CTDP1: variants seen among roughly 807,000 people sequenced by gnomAD.
CTDP1 encodes CTD phosphatase 1.
In CTDP1, 47 loss-of-function variants were observed where a neutral mutation model predicts 91.8. The ratio of observed to expected loss-of-function variants is 0.51; its 90% confidence interval spans 0.41 to 0.65. The LOEUF (loss-of-function observed/expected upper bound fraction) is 0.65. Among genes scored for constraint, CTDP1 ranks in the 30% least tolerant of loss-of-function variants. The pLI is 0.00. For missense variants in CTDP1, 1,272 were observed against 1,373.7 expected, an observed-to-expected ratio of 0.93 and a Z score of 1.17; for synonymous variants, 656 against 598.5, an observed-to-expected ratio of 1.10 and a Z score of -1.40.
chr18:79,732,557 C>T (rs1456984753), intron 11 of CTDP1, among the ~76,000 whole-genome samples: 1 of 134,826 alleles, frequency 7.4e-6, no homozygotes, highest in Non-Finnish European at 1.6e-5. Context: ...CCCAAAATCA[C>T]GTGAGACATG....
chr18:79,728,375 C>T (rs2086494699), intron 10 of CTDP1, among the ~76,000 whole-genome samples: 1 of 152,226 alleles, frequency 6.6e-6, no homozygotes, highest in Non-Finnish European at 1.5e-5. Context: ...GCTGGCTTTA[C>T]AAGCATGAGC....
At chr18:79,684,342 C>T (rs1026808391) in intron 1 of CTDP1, among the ~76,000 whole-genome samples, 3 of 152,192 alleles carry the variant, frequency 2.0e-5, no homozygotes, top group African/African-American at 4.8e-5. Flanking sequence ...AAGAATCCCA[C>T]GTGGGTATGT....
intron 6 of CTDP1, among the ~76,000 whole-genome samples, chr18:79,712,129 T>C (rs879389706): frequency 6.6e-6 from 1 of 151,980 alleles, no homozygotes; most frequent in Non-Finnish European, 1.5e-5. Context: ...GAATGAGAGG[T>C]GCTGTTAGTG....
rs887852526 is a variant in CTDP1, at chr18:79,729,056, G to A, written c.2567G>A (p.Ser856Asn). Residue 856 changes from serine (S) to asparagine (N), a missense_variant, in exon 11 of 13, where the codon AGT becomes AAT. Ser to Asn is a conservative substitution (Grantham distance 46, BLOSUM62 1). This residue lies in a region of CTDP1 where 881 missense variants were observed against 911.6 expected (regional missense o/e 0.97). Transcript: ENST00000613122. ...LYTLCKEDLE[S>N]MDKEVDDILG... The stretch of plus-strand genomic sequence containing the variant: ...ACTCTTTGTAAGGAGGATTTAGAGA[G>A]TATGGACAAAGAGGTGAGCCAACCC... The A allele has an allele frequency of 8.7e-6, 14 of 1,613,334 alleles. No homozygotes were observed. Among genetic ancestry groups the A allele is most frequent in the Non-Finnish European group, 1.2e-5 (14 of 1,180,046 alleles).
At chr18:79,742,666 A>G (rs1287343151) in intron 12 of CTDP1, among the ~76,000 whole-genome samples, 1 of 152,232 alleles carries the variant, frequency 6.6e-6, no homozygotes, top group African/African-American at 2.4e-5. Context: ...ATAAGACTCT[A>G]TGCCTGGACA....
chr18:79,712,316 C>T (rs1189035785), intron 6 of CTDP1, among the ~76,000 whole-genome samples: 1 of 152,120 alleles, frequency 6.6e-6, no homozygotes, highest in Non-Finnish European at 1.5e-5. Flanking sequence ...CGGTCTGGCT[C>T]GGTCGCCCAG....
intron 4 of CTDP1, among the ~76,000 whole-genome samples, chr18:79,704,539 C>T (rs1274734863): frequency 2.0e-5 from 3 of 152,164 alleles, no homozygotes; most frequent in Non-Finnish European, 2.9e-5. Flanking sequence ...TACATGCAAA[C>T]GTGTATCCTC....
intron 11 of CTDP1, among the ~76,000 whole-genome samples, chr18:79,731,678 G>A (rs755001794): frequency 7.9e-5 from 12 of 152,202 alleles, no homozygotes; most frequent in South Asian, 6.2e-4. Context: ...GTCAGTAAGC[G>A]TTCACCTGCA....
At chr18:79,696,131 C>T in intron 3 of CTDP1, 61 bp downstream of exon 3, 2 of 1,464,684 alleles carry the variant, frequency 1.4e-6, no homozygotes, top group Non-Finnish European at 9.4e-7. Flanking sequence ...AGGGCGGCTG[C>T]AGGAGGAGGG....
downstream of CTDP1, chr18:79,755,706 G>T (rs941355630): frequency 6.6e-6 from 1 of 152,298 alleles, no homozygotes; most frequent in African/African-American, 2.4e-5. Context: ...GCTCTTGGCC[G>T]AGTCCCCTCT....
intron 1 of CTDP1, among the ~76,000 whole-genome samples, chr18:79,681,130 C>T (rs1481792007): frequency 6.6e-6 from 1 of 152,254 alleles, no homozygotes; most frequent in Non-Finnish European, 1.5e-5. Flanking sequence ...GTCCCTTTGG[C>T]TTGCCCTGAC....
At position 79,680,083 on chromosome 18, in the gene CTDP1, G is replaced by T; in HGVS notation, c.136G>T (p.Gly46Cys). ...GGCGGCGGGCGCGGCCGTGCGCATC[G>T]GCTCGGTGCTGGCCGTGTTCGAGGC... The part of the protein sequence containing the change: ...RVAAGAAVRI[G>C]SVLAVFEAAA... The change falls in exon 1 of 13, where the codon GGC (glycine) becomes TGC (cysteine). Residue 46 changes from glycine to cysteine, a missense_variant. Gly to Cys is a radical substitution (Grantham distance 159, BLOSUM62 -3). Around this residue, in one of 3 missense-constraint regions of CTDP1, gnomAD observed 214 missense variants for 179.1 expected, o/e 1.19. Coordinates refer to ENST00000613122, the MANE Select transcript of CTDP1 (RefSeq NM_004715.5). 7.7e-7 allele frequency: 1 copy of T among 1,291,246 alleles called. No individual in the cohort carries two copies. Among genetic ancestry groups the T allele is most frequent in the Non-Finnish European group, 9.8e-7 (1 of 1,021,074 alleles). The allele number at this position is 1,291,246 out of a possible 1,614,324, so 80.0% of individuals were successfully genotyped here.
chr18:79,704,737 T>C (rs890909473), intron 4 of CTDP1, 30 bp from the exon 5 acceptor site: 2 of 1,612,360 alleles, frequency 1.2e-6, no homozygotes, highest in Non-Finnish European at 1.7e-6. Flanking sequence ...TCAGGCCTTT[T>C]CTCCCGACTG....
rs2086166768 is a variant in CTDP1 at position 79,714,841 on chromosome 18, A to T, written c.1381A>T (p.Ser461Cys). The change falls in exon 8 of 13, where the codon AGC (serine) becomes TGC (cysteine). Residue 461 changes from serine to cysteine, a missense_variant. Physicochemically the swap from Ser to Cys is moderately radical, Grantham distance 112 (BLOSUM62 -1). Transcript: ENST00000613122. ...DFDLSSDSES[S>C]SESEGTKSSS... ...TGACTTATCCAGCGACAGCGAGAGC[A>T]GCAGTGAGTCCGAGGGCACGAAGTC... 1.3e-6 allele frequency: 2 copies of T among 1,596,776 alleles called. No individual in the cohort carries two copies. The highest frequency in any genetic ancestry group is 2.7e-5 in the African/African-American group (2 of 74,968).
chr18:79,729,043 G>A lies in CTDP1; in HGVS notation c.2554G>A (p.Glu852Lys). The A allele has an allele frequency of 6.2e-7, 1 of 1,613,776 alleles. No homozygotes were observed. Among genetic ancestry groups the A allele is most frequent in the Non-Finnish European group, 8.5e-7 (1 of 1,180,044 alleles). ...AATGCCGCTGTACACTCTTTGTAAG[G>A]AGGATTTAGAGAGTATGGACAAAGA... ...ETMPLYTLCKEDLESMDKEVD... is the reference protein window; with the variant it reads ...ETMPLYTLCKKDLESMDKEVD... Residue 852 changes from glutamate to lysine, a missense_variant, in exon 11 of 13, where the codon GAG (glutamate) becomes AAG (lysine). Around this residue, in one of 3 missense-constraint regions of CTDP1, gnomAD observed 881 missense variants for 911.6 expected, o/e 0.97. Transcript: ENST00000613122.
rs1235299207 is a variant in CTDP1, at chr18:79,736,433, C to T, written c.2659C>T (p.Gln887Ter). The T allele has an allele frequency of 6.5e-7, 1 of 1,549,410 alleles. No homozygotes were observed. Among genetic ancestry groups the T allele is most frequent in the Non-Finnish European group, 8.7e-7 (1 of 1,146,974 alleles). ...RRPEEQEEEPQPRKPGTRRER... is the reference protein window; with the variant it reads ...RRPEEQEEEP ...GCCTGAGGAGCAGGAGGAGGAGCCC[C>T]AGCCCCGGAAGCCAGGGACCCGCAG... The change falls in exon 12 of 13, where the codon CAG becomes TAG. Residue 887 changes from glutamine to a stop codon, truncating the protein, a stop_gained. Coordinates refer to ENST00000613122, the MANE Select transcript of CTDP1 (RefSeq NM_004715.5). LOFTEE classifies it high-confidence loss of function.
intron 12 of CTDP1, among the ~76,000 whole-genome samples, chr18:79,738,523 A>C (rs1229562647): frequency 6.6e-6 from 1 of 152,228 alleles, no homozygotes; most frequent in Admixed American, 6.5e-5. Flanking sequence ...CACTCCAGGT[A>C]CACGTCTGGT....
chr18:79,689,753 A>G (rs1457130972), intron 1 of CTDP1, among the ~76,000 whole-genome samples: 2 of 152,224 alleles, frequency 1.3e-5, no homozygotes, highest in Non-Finnish European at 2.9e-5. Flanking sequence ...TGCACTGCAA[A>G]CTAGGTGACG....
chr18:79,734,176 G>A (rs2086622076), intron 11 of CTDP1, among the ~76,000 whole-genome samples: 1 of 152,208 alleles, frequency 6.6e-6, no homozygotes, highest in Admixed American at 6.5e-5. Context: ...CCAGCGATGG[G>A]GTAATGTCTG....
Sources: allele counts gnomAD v4.1 joint callset (sites outside exome capture counted in the v4.1 genomes callset), GRCh38; gene constraint gnomAD v4.1.1; regional missense constraint gnomAD v4.1.1; transcripts MANE v1.5; gene names NCBI Gene and HGNC (gene_info 2026-07-23, HGNC 2026-07-21).